Variants in NCOR2 observed in about 807,000 individuals in gnomAD.
NCOR2 encodes the protein nuclear receptor corepressor 2.
Under a neutral mutation model 262.9 loss-of-function variants are expected in NCOR2, and 81 were observed. That is an observed-to-expected ratio of 0.31 (90% CI 0.26 to 0.37). NCOR2 has a LOEUF of 0.37. NCOR2 is among the 10% of genes least tolerant of loss of function. The probability of loss-of-function intolerance (pLI) is 1.00; values close to 1 mark genes in which losing one functional copy is unlikely to be tolerated. For synonymous variants in NCOR2, 1,659 were observed against 1,559.3 expected (o/e 1.06, Z -1.51); for missense variants, 3,385 against 3,621.4 (o/e 0.93, Z 1.68).
chr12:124,426,094 C>T (rs1445365224), intron 11 of NCOR2, among the ~76,000 whole-genome samples: 4 of 152,210 alleles, frequency 2.6e-5, no homozygotes, highest in Non-Finnish European at 5.9e-5. Flanking sequence ...TCTTCCGACT[C>T]GCAGTGCCCC....
chr12:124,494,655 G>A (rs1002942918), intron 1 of NCOR2, among the ~76,000 whole-genome samples: 3 of 152,120 alleles, frequency 2.0e-5, no homozygotes, highest in Non-Finnish European at 4.4e-5. Flanking sequence ...AGGCAGAAAC[G>A]CAACCTGTGT....
intron 1 of NCOR2, among the ~76,000 whole-genome samples, chr12:124,525,462 G>A (rs2050412992): frequency 6.6e-6 from 1 of 152,244 alleles, no homozygotes; most frequent in South Asian, 2.1e-4. Context: ...CCATCAGCCT[G>A]TGTGATCCAT....
At chr12:124,388,756 C>G (rs531806222) in intron 16 of NCOR2, 8 of 1,304,096 alleles carry the variant, frequency 6.1e-6, no homozygotes, top group Non-Finnish European at 8.1e-6. Flanking sequence ...CCCCAGGGAG[C>G]GGGCCGAAGT....
In NCOR2 at chr12:124,372,229, G is replaced by C. The variant is rs373652975; in HGVS notation, c.2600C>G (p.Thr867Arg). Residue 867 changes from threonine to arginine, a missense_variant, in exon 20 of 47, where the codon ACG becomes AGG. Physicochemically the swap from Thr to Arg is moderately conservative, Grantham distance 71. Coordinates refer to ENST00000405201, the Ensembl canonical transcript of NCOR2. ...GGCCGGCCCCTCCTCGGCTTCCTCCGTGCACTCGCTCTTGACGGGCTCCTC... is the reference window on the plus strand; with the variant it reads ...GGCCGGCCCCTCCTCGGCTTCCTCCCTGCACTCGCTCTTGACGGGCTCCTC... The C allele has an allele frequency of 2.5e-6, 4 of 1,600,070 alleles. No individual in the cohort carries two copies. In the African/African-American group the frequency reaches 4.0e-5, roughly 16 times the overall value.
intron 16 of NCOR2, among the ~76,000 whole-genome samples, chr12:124,394,430 T>C (rs927702873): frequency 2.6e-5 from 4 of 151,964 alleles, no homozygotes; most frequent in Admixed American, 1.3e-4. Flanking sequence ...AAGGTGGGTG[T>C]GCTGGGTTGG....
chr12:124,340,130 G>A, exon 37 of NCOR2: 1 of 1,611,722 alleles, frequency 6.2e-7, no homozygotes, highest in Non-Finnish European at 8.5e-7. Context: ...GAGTGCTGGT[G>A]GGCATGGGAG....
intron 3 of NCOR2, among the ~76,000 whole-genome samples, chr12:124,476,197 C>A (rs2047091870): frequency 6.6e-6 from 1 of 152,222 alleles, no homozygotes; most frequent in Non-Finnish European, 1.5e-5. Flanking sequence ...GGCTCCGCTA[C>A]CCAGAGTGCC....
At chr12:124,555,484 G>A (rs892975092) in intron 1 of NCOR2, among the ~76,000 whole-genome samples, 2 of 152,224 alleles carry the variant, frequency 1.3e-5, no homozygotes, top group African/African-American at 4.8e-5. Context: ...ATGCTCGGGT[G>A]TCATCGCCAC....
At chr12:124,348,308 A>G (rs1394058350) in exon 29 of NCOR2, 2 of 1,606,900 alleles carry the variant, frequency 1.2e-6, no homozygotes, top group African/African-American at 2.7e-5. Flanking sequence ...GGTCACAGAC[A>G]TGCCACCTGG....
chr12:124,381,902 G>A (rs2040438120), intron 17 of NCOR2, among the ~76,000 whole-genome samples: 1 of 152,228 alleles, frequency 6.6e-6, no homozygotes, highest in Non-Finnish European at 1.5e-5. Context: ...GATGCCAAGT[G>A]TTACATAACT....
intron 1 of NCOR2, among the ~76,000 whole-genome samples, chr12:124,512,009 C>A (rs534842582): frequency 1.3e-5 from 2 of 152,174 alleles, no homozygotes; most frequent in Non-Finnish European, 2.9e-5. Context: ...GCAGCCTTGA[C>A]CTCCTGGGCT....
intron 16 of NCOR2, among the ~76,000 whole-genome samples, chr12:124,397,487 G>A (rs1490528641): frequency 1.3e-5 from 2 of 152,204 alleles, no homozygotes; most frequent in Non-Finnish European, 2.9e-5. Flanking sequence ...AAGGCCATCT[G>A]CTCGGGATGG....
chr12:124,360,850 C>G (rs927405653), intron 22 of NCOR2, among the ~76,000 whole-genome samples: 3 of 152,076 alleles, frequency 2.0e-5, no homozygotes, highest in African/African-American at 7.2e-5. Flanking sequence ...TTTTGTTTCT[C>G]ATGGTGGATG....
At chr12:124,410,150 T>C (rs553896074) in intron 13 of NCOR2, among the ~76,000 whole-genome samples, 66 of 150,086 alleles carry the variant, frequency 4.4e-4, no homozygotes, top group African/African-American at 1.5e-3. Flanking sequence ...GGGAACTACT[T>C]CCTGACTCCA....
intron 2 of NCOR2, among the ~76,000 whole-genome samples, chr12:124,485,089 G>A (rs965359482): frequency 6.6e-6 from 1 of 152,208 alleles, no homozygotes; most frequent in African/African-American, 2.4e-5. Flanking sequence ...ACCATTACAT[G>A]GGGCTTGGCA....
rs1469093805 is a variant in NCOR2 at position 124,552,110 on chromosome 12, A to C, written c.-165+15198T>G. Among the ~76,000 whole-genome samples the C allele has an allele frequency of 2.6e-5, 4 of 152,200 alleles. No homozygotes were observed. In the East Asian group the frequency reaches 5.8e-4, roughly 22 times the overall value. On this transcript the variant is annotated intron_variant, in intron 1 of 32. Transcript: ENST00000458234. Reference sequence around the variant, plus strand: ...CAAGGCAGGAGGATCTCCTGAGCTCAGGAGTTCAAGACCAGCCCGGGCAAC... The same window carrying C: ...CAAGGCAGGAGGATCTCCTGAGCTCCGGAGTTCAAGACCAGCCCGGGCAAC...
At chr12:124,416,815 TAGACCCCGCGGCACAGGG>T (rs1435854668) in intron 13 of NCOR2, among the ~76,000 whole-genome samples, 2 of 109,308 alleles carry the variant, frequency 1.8e-5, no homozygotes, top group Non-Finnish European at 3.5e-5. Context: ...GCAGCACAGA[TAGACCCCGCGGCACAGGG>T]AGACCCCGTG....
Position 124,521,707 on chromosome 12 carries a change from G to C in NCOR2, c.-118+13858C>G, listed in dbSNP as rs115713023. ...GTGCTCAACATTGTGATTGTACTAA[G>C]AACTCATGAACTGTTCATGTTAAAA... On this transcript the variant is annotated intron_variant, in intron 1 of 46. Coordinates refer to the NCOR2 transcript ENST00000404621. 8.2e-3 allele frequency among the ~76,000 whole-genome samples: 1,249 copies of C among 152,302 alleles called. 16 individuals are homozygous for C. Among genetic ancestry groups the C allele is most frequent in the African/African-American group, 0.028 (1,184 of 41,558 alleles).
Position 124,484,091 on chromosome 12 carries a change from C to T in NCOR2, c.234-318G>A, listed in dbSNP as rs1167953580. On this transcript the variant is annotated intron_variant, in intron 2 of 46. Coordinates refer to ENST00000405201, the Ensembl canonical transcript of NCOR2. ...CACCGTCCCCACCTGGGGCTGGCTACAATGCAGAATCTCCAGTACCATCTG... is the reference window on the plus strand; with the variant it reads ...CACCGTCCCCACCTGGGGCTGGCTATAATGCAGAATCTCCAGTACCATCTG... Among the ~76,000 whole-genome samples the T allele has an allele frequency of 2.6e-5, 4 of 152,174 alleles. No individual in the cohort carries two copies. The East Asian group carries it at 5.8e-4, about 22-fold the overall frequency.
Sources: allele counts gnomAD v4.1 joint callset (sites outside exome capture counted in the v4.1 genomes callset), GRCh38; gene constraint gnomAD v4.1.1; transcripts MANE v1.5; gene names NCBI Gene and HGNC (gene_info 2026-07-23, HGNC 2026-07-21).